SLC5A1: variants seen among roughly 807,000 people sequenced by gnomAD.
SLC5A1 encodes the protein sodium/glucose cotransporter 1.
Under a neutral mutation model 73.5 loss-of-function variants are expected in SLC5A1, and 42 were observed. The observed-to-expected ratio is 0.57, with a 90% CI of 0.45 to 0.74. The LOEUF is 0.74. Ranked by LOEUF, SLC5A1 falls within the 30% of genes least tolerant of loss-of-function variation. The pLI is 0.00. For missense variants in SLC5A1, 634 were observed against 855.4 expected (o/e 0.74, Z 3.23); for synonymous variants, 300 against 317.4 (o/e 0.95, Z 0.58).
Position 32,104,868 on chromosome 22 carries a change from G to T in SLC5A1, c.1748G>T (p.Gly583Val), listed in dbSNP as rs745584814. 2.5e-6 allele frequency: 4 copies of T among 1,613,586 alleles called. No homozygotes were observed. Among genetic ancestry groups the T allele is most frequent in the Non-Finnish European group, 3.4e-6 (4 of 1,179,638 alleles). The change falls in exon 14 of 15, where the codon GGC becomes GTC. Residue 583 changes from glycine (G) to valine (V), a missense_variant. Coordinates refer to ENST00000266088, the MANE Select transcript of SLC5A1 (RefSeq NM_000343.4). The stretch of plus-strand genomic sequence containing the variant: ...GCGGAAGAGGAGAACATCCAAGAAG[G>T]CCCTAAGGAGACCATTGAAATAGGT... ...LDAEEENIQE[G>V]PKETIEIETQ...
In SLC5A1 at chr22:32,043,539, A is replaced by G. The variant is rs1569297025; in HGVS notation, c.135+123A>G. Reference sequence around the variant, plus strand: ...TGGAGGGGAGAGGAAATGACTTGGAAGCACTTTAGAAGCACTCAGAGGCAC... The same window carrying G: ...TGGAGGGGAGAGGAAATGACTTGGAGGCACTTTAGAAGCACTCAGAGGCAC... On this transcript the variant is annotated intron_variant, in intron 1 of 14. Coordinates refer to ENST00000266088, the MANE Select transcript of SLC5A1 (RefSeq NM_000343.4). This position sits in a 1 kb window ranked among gnomAD's most constrained non-coding sequence, Gnocchi z 6.5. The G allele has an allele frequency of 9.2e-7, 1 of 1,086,302 alleles. No homozygotes were observed. Among genetic ancestry groups the G allele is most frequent in the African/African-American group, 1.6e-5 (1 of 64,462 alleles). 67.3% of individuals were successfully genotyped at this position (1,086,302 alleles called of 1,614,324 possible). A position where few individuals can be genotyped will look rare whatever the true frequency, so the allele number is the denominator to read the frequency against.
chr22:32,091,298 A>AACACACACACACACACAC (rs67059150), intron 10 of SLC5A1, among the ~76,000 whole-genome samples: 1 of 138,966 alleles, frequency 7.2e-6, no homozygotes, highest in Non-Finnish European at 1.6e-5. Context: ...CACATACACA[A>AACACACACACACACACAC]ACACACACAC....
chr22:32,089,642 G>A (rs1481253941), intron 10 of SLC5A1, among the ~76,000 whole-genome samples: 1 of 152,202 alleles, frequency 6.6e-6, no homozygotes, highest in African/African-American at 2.4e-5. Context: ...TACATTTGAT[G>A]CTATAGAGAG....
chr22:32,062,621 C>A (rs2413065), intron 2 of SLC5A1, among the ~76,000 whole-genome samples: 6,820 of 152,194 alleles, frequency 0.045, 206 homozygotes, highest in Non-Finnish European at 0.07. Context: ...ATCCTGAATT[C>A]ACAGGAACAT....
At chr22:32,085,246 T>C (rs1223946333) in intron 9 of SLC5A1, among the ~76,000 whole-genome samples, 3 of 152,060 alleles carry the variant, frequency 2.0e-5, no homozygotes. Context: ...TTCAGCCTCC[T>C]GAGCAGCTGG....
At position 32,112,752 on chromosome 22, in the gene SLC5A1, T is replaced by C. The variant is rs2094059559; in HGVS notation, c.*2539T>C. ...CTGGGGGAGGGAGGGACTGGGGAGA[T>C]GTTGGTCAAATGATACAAAGGTTTA... On this transcript the variant is annotated 3_prime_UTR_variant, in exon 15 of 15. Coordinates refer to ENST00000266088, the MANE Select transcript of SLC5A1 (RefSeq NM_000343.4). 1.3e-5 allele frequency: 2 copies of C among 151,988 alleles called. No individual in the cohort carries two copies. The highest frequency in any genetic ancestry group is 4.8e-5 in the African/African-American group (2 of 41,382). The allele number at this position is 151,988 out of a possible 1,614,324, so 9.4% of individuals were successfully genotyped here. A position where few individuals can be genotyped will look rare whatever the true frequency, so the allele number is the denominator to read the frequency against.
chr22:32,098,958 C>T (rs577295437), intron 11 of SLC5A1, among the ~76,000 whole-genome samples: 490 of 150,816 alleles, frequency 3.2e-3, no homozygotes, highest in African/African-American at 0.011. Context: ...TGGTGGCGGG[C>T]GCCTGTAGTC....
chr22:32,084,740 G>A (rs934769909), intron 8 of SLC5A1, 81 bp downstream of exon 8: 14 of 1,518,194 alleles, frequency 9.2e-6, no homozygotes, highest in Middle Eastern at 2.2e-4. Flanking sequence ...GGTTTGCAGG[G>A]TTGGGACAGG....
At position 32,110,925 on chromosome 22, in the gene SLC5A1, TG is replaced by T. The variant is rs777276040; in HGVS notation, c.*715del. On this transcript the variant is annotated 3_prime_UTR_variant, in exon 15 of 15. Transcript: ENST00000266088. ...ATGTCCATTGTGAGTTCCCCGTGTT[TG>T]GGATTCCACTCATTTTGGCATTCAC... The T allele has an allele frequency of 1.8e-3, 269 of 153,620 alleles. 1 individual carries two copies. Among genetic ancestry groups the T allele is most frequent in the Non-Finnish European group, 2.8e-3 (191 of 68,950 alleles). The allele number at this position is 153,620 out of a possible 1,614,324, so 9.5% of individuals were successfully genotyped here.
At chr22:32,083,189 G>A in intron 7 of SLC5A1, 35 bp downstream of exon 7, 1 of 1,579,288 alleles carries the variant, frequency 6.3e-7, no homozygotes, top group Non-Finnish European at 8.7e-7. Context: ...GGAGGTGGGA[G>A]CAGAGGTAGA....
intron 1 of SLC5A1, among the ~76,000 whole-genome samples, chr22:32,047,553 C>T (rs8140300): frequency 0.028 from 4,195 of 152,222 alleles, 177 homozygotes; most frequent in African/African-American, 0.09. Flanking sequence ...CACAGTATCT[C>T]CTTTGGGAGG....
At chr22:32,059,294 C>T in intron 2 of SLC5A1, 1 of 985,506 alleles carries the variant, frequency 1.0e-6, no homozygotes, top group Non-Finnish European at 1.2e-6. Flanking sequence ...AAGCAGTTAT[C>T]AAAGTGGGGA....
intron 10 of SLC5A1, 148 bp from the exon 11 acceptor site, chr22:32,091,464 C>A: frequency 1.1e-6 from 1 of 897,578 alleles, no homozygotes; most frequent in Non-Finnish European, 1.8e-6. Context: ...AGGACTACTT[C>A]TTAAAGCTTC....
chr22:32,061,852 T>C (rs1236893044), intron 2 of SLC5A1, among the ~76,000 whole-genome samples: 2 of 152,186 alleles, frequency 1.3e-5, no homozygotes, highest in African/African-American at 4.8e-5. Flanking sequence ...TATTCAGGTC[T>C]GAGGTCCACT....
intron 4 of SLC5A1, 92 bp downstream of exon 4, chr22:32,068,118 A>G: frequency 8.0e-7 from 1 of 1,255,490 alleles, no homozygotes; most frequent in Admixed American, 1.7e-5. Context: ...TATGGGATAA[A>G]TGGCAGAAAA....
At chr22:32,075,319 G>T (rs1418991489) in intron 5 of SLC5A1, among the ~76,000 whole-genome samples, 2 of 152,110 alleles carry the variant, frequency 1.3e-5, no homozygotes, top group Admixed American at 1.3e-4. Flanking sequence ...CCAGAACTGG[G>T]AGCAGGGTCT....
intron 5 of SLC5A1, among the ~76,000 whole-genome samples, chr22:32,075,141 G>A (rs130406): frequency 0.38 from 54,898 of 144,460 alleles, 11,628 homozygotes; most frequent in East Asian, 0.56. Flanking sequence ...TGAACTCCTC[G>A]CCTCAAGTGA....
chr22:32,062,087 T>C (rs2093964088), intron 2 of SLC5A1, among the ~76,000 whole-genome samples: 1 of 152,230 alleles, frequency 6.6e-6, no homozygotes. Flanking sequence ...GAAGCAGGAC[T>C]GATGGGTAGA....
At chr22:32,106,326 A>T (rs117810668) in intron 14 of SLC5A1, among the ~76,000 whole-genome samples, 1 of 152,226 alleles carries the variant, frequency 6.6e-6, no homozygotes, top group Non-Finnish European at 1.5e-5. Flanking sequence ...GATGTTGAGC[A>T]CATTTTTATG....
Sources: allele counts gnomAD v4.1 joint callset (sites outside exome capture counted in the v4.1 genomes callset), GRCh38; gene constraint gnomAD v4.1.1; non-coding constraint Gnocchi (gnomAD v3.1); transcripts MANE v1.5; gene names NCBI Gene and HGNC (gene_info 2026-07-23, HGNC 2026-07-21).